Variants in CEP128 observed in about 807,000 individuals in gnomAD.
The protein encoded by CEP128 is centrosomal protein 128.
Under a neutral mutation model 156.7 loss-of-function variants are expected in CEP128, and 132 were observed. That is an observed-to-expected ratio of 0.84 (90% CI 0.73 to 0.97). The LOEUF is 0.97. CEP128 is among the 50% of genes least tolerant of loss of function. CEP128 has a pLI of 0.00. For synonymous variants in CEP128, 469 were observed against 448.9 expected, an observed-to-expected ratio of 1.04 and a Z score of -0.57; for missense variants, 1,252 against 1,281.9, an observed-to-expected ratio of 0.98 and a Z score of 0.36.
At chr14:80,728,008 A>G (rs960605353) in intron 19 of CEP128, among the ~76,000 whole-genome samples, 2 of 152,208 alleles carry the variant, frequency 1.3e-5, no homozygotes, top group Non-Finnish European at 2.9e-5. Flanking sequence ...CTGGGTACAT[A>G]CCCAAAGGAA....
intron 19 of CEP128, among the ~76,000 whole-genome samples, chr14:80,697,013 G>A (rs541414572): frequency 6.6e-6 from 1 of 152,244 alleles, no homozygotes; most frequent in East Asian, 1.9e-4. Flanking sequence ...TAACAGCAAA[G>A]ATTAAAGATC....
chr14:80,480,116 G>A (rs1364515745), intron 14 of CEP128, among the ~76,000 whole-genome samples: 2 of 152,128 alleles, frequency 1.3e-5, no homozygotes, highest in African/African-American at 2.4e-5. Context: ...CAAGCTGTTG[G>A]TGAAATCTAT....
intron 13 of CEP128, among the ~76,000 whole-genome samples, chr14:80,797,094 G>A (rs1055965139): frequency 1.3e-5 from 2 of 152,060 alleles, no homozygotes; most frequent in Admixed American, 1.3e-4. Context: ...TTTATAATGG[G>A]CCCAAGAGTA....
chr14:80,628,834 A>G (rs1893842828), intron 19 of CEP128, among the ~76,000 whole-genome samples: 1 of 132,392 alleles, frequency 7.6e-6, no homozygotes. Flanking sequence ...TAGCTCACAT[A>G]TATATATGTA....
chr14:80,851,986 T>C (rs916372129), intron 9 of CEP128, among the ~76,000 whole-genome samples: 1 of 152,012 alleles, frequency 6.6e-6, no homozygotes, highest in African/African-American at 2.4e-5. Flanking sequence ...GAGAAACTGA[T>C]AATCTCTATA....
At chr14:80,743,812 C>G (rs1171094432) in intron 18 of CEP128, among the ~76,000 whole-genome samples, 1 of 151,926 alleles carries the variant, frequency 6.6e-6, no homozygotes, top group African/African-American at 2.4e-5. Context: ...TCTGGCAACT[C>G]TACTTCACAG....
At chr14:80,871,056 TAAAG>T (rs1888002041) in intron 8 of CEP128, among the ~76,000 whole-genome samples, 1 of 150,158 alleles carries the variant, frequency 6.7e-6, no homozygotes, top group Non-Finnish European at 1.5e-5. Flanking sequence ...TAAAAAAAAT[TAAAG>T]AAAGAGGAAG....
chr14:80,711,608 C>A (rs1897411180), intron 19 of CEP128, among the ~76,000 whole-genome samples: 1 of 151,632 alleles, frequency 6.6e-6, no homozygotes, highest in Non-Finnish European at 1.5e-5. Context: ...CTAATAGGTA[C>A]AAAAATATAT....
At chr14:80,609,461 C>T (rs1396204974) in intron 19 of CEP128, among the ~76,000 whole-genome samples, 3 of 152,126 alleles carry the variant, frequency 2.0e-5, no homozygotes, top group Non-Finnish European at 4.4e-5. Context: ...TTATGGTTCC[C>T]TCTGGCCCCC....
intron 15 of CEP128, among the ~76,000 whole-genome samples, chr14:80,778,897 T>G (rs1900947224): frequency 6.6e-6 from 1 of 152,176 alleles, no homozygotes; most frequent in Non-Finnish European, 1.5e-5. Context: ...TAACAACCTG[T>G]GAGAATCAAA....
chr14:80,740,543 TAGAC>T (rs376925365), intron 19 of CEP128, among the ~76,000 whole-genome samples: 18,696 of 142,792 alleles, frequency 0.13, 1,361 homozygotes, highest in South Asian at 0.16. Flanking sequence ...GATAGATAGA[TAGAC>T]AGACAGATAG....
At chr14:80,928,447 A>G (rs1190966668) in intron 2 of CEP128, among the ~76,000 whole-genome samples, 1 of 152,200 alleles carries the variant, frequency 6.6e-6, no homozygotes, top group Non-Finnish European at 1.5e-5. Context: ...ATTGTAAAGA[A>G]AAACAAACCA....
intron 9 of CEP128, among the ~76,000 whole-genome samples, chr14:80,861,479 T>C (rs1204590279): frequency 6.6e-6 from 1 of 152,106 alleles, no homozygotes; most frequent in African/African-American, 2.4e-5. Context: ...TATGATACTA[T>C]GGGAAGGACA....
intron 13 of CEP128, among the ~76,000 whole-genome samples, chr14:80,794,678 A>G (rs1288434529): frequency 6.6e-6 from 1 of 152,166 alleles, no homozygotes. Context: ...CATATGGTTT[A>G]TAGAAATATT....
intron 19 of CEP128, among the ~76,000 whole-genome samples, chr14:80,671,132 G>C (rs370144950): frequency 1.1e-4 from 16 of 152,258 alleles, no homozygotes; most frequent in African/African-American, 3.1e-4. Flanking sequence ...CAGAGATCCA[G>C]AAAGAATGCA....
intron 24 of CEP128, among the ~76,000 whole-genome samples, chr14:80,501,737 C>A (rs1225083730): frequency 6.6e-6 from 1 of 151,890 alleles, no homozygotes; most frequent in Non-Finnish European, 1.5e-5. Flanking sequence ...ATCTCCAGAC[C>A]TCGCGATCCG....
intron 8 of CEP128, chr14:80,894,437 T>G: frequency 5.7e-6 from 2 of 349,672 alleles, no homozygotes; most frequent in South Asian, 4.6e-5. Context: ...ACCAATCTGT[T>G]AATCTCAGAA....
At chr14:80,783,901 A>C (rs2139801634) in intron 15 of CEP128, among the ~76,000 whole-genome samples, 1 of 152,288 alleles carries the variant, frequency 6.6e-6, no homozygotes, top group South Asian at 2.1e-4. Flanking sequence ...CTGACCTGCC[A>C]ATCCCAACTG....
intron 13 of CEP128, among the ~76,000 whole-genome samples, chr14:80,827,170 T>C (rs1266331070): frequency 3.3e-5 from 5 of 152,206 alleles, no homozygotes; most frequent in Non-Finnish European, 5.9e-5. Context: ...CCTTAAATAC[T>C]GACAAATCTT....
Sources: allele counts gnomAD v4.1 joint callset (sites outside exome capture counted in the v4.1 genomes callset), GRCh38; gene constraint gnomAD v4.1.1; transcripts MANE v1.5; gene names NCBI Gene and HGNC (gene_info 2026-07-23, HGNC 2026-07-21).